UBE2Q2: variants seen among roughly 807,000 people sequenced by gnomAD.
UBE2Q2 encodes ubiquitin-conjugating enzyme E2 Q2.
In UBE2Q2, 54 loss-of-function variants were observed where a neutral mutation model predicts 59.9. That is an observed-to-expected ratio of 0.90 (90% CI 0.72 to 1.13). The LOEUF (loss-of-function observed/expected upper bound fraction) is 1.13, where lower values mean the gene tolerates loss of function less well. Ranked by LOEUF, UBE2Q2 falls within the 50% of genes most tolerant of loss-of-function variation. The pLI is 0.00. For synonymous variants in UBE2Q2, 165 were observed against 155.2 expected (o/e 1.06, Z -0.47); for missense variants, 433 against 441.9 (o/e 0.98, Z 0.18).
chr15:75,857,445 C>T (rs967157033), intron 2 of UBE2Q2, among the ~76,000 whole-genome samples: 3 of 152,104 alleles, frequency 2.0e-5, no homozygotes, highest in Non-Finnish European at 4.4e-5. Flanking sequence ...AACAACTCAC[C>T]TCCCACTCTT....
rs547683186 is a variant in UBE2Q2 at position 75,876,473 on chromosome 15, A to G, written c.673+202A>G. On this transcript the variant is annotated intron_variant, in intron 6 of 12. Transcript: ENST00000267938. ...GTTTACTTGTCTTTTGGATTTTTAA[A>G]AAATGTTTTTATAGGTCCATTGGAA... 2.9e-3 allele frequency among the ~76,000 whole-genome samples: 440 copies of G among 152,356 alleles called. 3 individuals carry two copies. Among genetic ancestry groups the G allele is most frequent in the Middle Eastern group, 0.014 (4 of 294 alleles).
At chr15:75,871,420 G>T (rs1332958588) in intron 4 of UBE2Q2, among the ~76,000 whole-genome samples, 1 of 152,120 alleles carries the variant, frequency 6.6e-6, no homozygotes, top group Non-Finnish European at 1.5e-5. Context: ...TCAGGCTGGG[G>T]GACGGTCAGG....
intron 7 of UBE2Q2, chr15:75,878,302 C>T (rs929048930): frequency 8.0e-6 from 3 of 373,814 alleles, no homozygotes; most frequent in African/African-American, 6.2e-5. Context: ...TTAATAACTT[C>T]ATGAGACTGT....
At position 75,892,578 on chromosome 15, in the gene UBE2Q2, A is replaced by G. The variant is rs1036935505; in HGVS notation, c.1029+1564A>G. Among the ~76,000 whole-genome samples the G allele has an allele frequency of 3.3e-5, 5 of 152,334 alleles. 1 individual carries two copies. In the South Asian group the frequency reaches 6.2e-4, roughly 19 times the overall value. On this transcript the variant is annotated intron_variant, in intron 11 of 12. Coordinates refer to ENST00000267938, the MANE Select transcript of UBE2Q2 (RefSeq NM_173469.4). ...AGAACTTACAGAAATTAAAAAATGT[A>G]GATGGGTATGGTGGCTCACGCCTGT... is the stretch of plus-strand genomic sequence containing the variant.
intron 1 of UBE2Q2, 58 bp downstream of exon 1, chr15:75,843,904 G>T: frequency 1.3e-6 from 2 of 1,484,820 alleles, no homozygotes; most frequent in South Asian, 1.3e-5. Flanking sequence ...GGGGCGCTTC[G>T]AGTCCCGGGA....
intron 11 of UBE2Q2, among the ~76,000 whole-genome samples, chr15:75,895,605 G>A (rs993739536): frequency 6.6e-6 from 1 of 151,950 alleles, no homozygotes; most frequent in Admixed American, 6.6e-5. Context: ...TAAAAAGTCT[G>A]TTTACAGAAA....
intron 1 of UBE2Q2, chr15:75,844,533 T>A: frequency 6.5e-7 from 1 of 1,539,454 alleles, no homozygotes; most frequent in Non-Finnish European, 8.8e-7. Flanking sequence ...TGTGTAAGCC[T>A]CGAAAATGGA....
At chr15:75,892,743 G>GT (rs1287341847) in intron 11 of UBE2Q2, among the ~76,000 whole-genome samples, 1 of 152,090 alleles carries the variant, frequency 6.6e-6, no homozygotes, top group Non-Finnish European at 1.5e-5. Context: ...TGGGTATGGG[G>GT]TACCTGTCTA....
At chr15:75,874,062 A>G (rs1022024979) in intron 5 of UBE2Q2, among the ~76,000 whole-genome samples, 3 of 151,884 alleles carry the variant, frequency 2.0e-5, no homozygotes, top group Admixed American at 6.6e-5. Context: ...TACCCTGTTC[A>G]TCTGCTCTTC....
At chr15:75,844,511 G>GC (rs1896220264) in intron 1 of UBE2Q2, 1 of 1,549,962 alleles carries the variant, frequency 6.5e-7, no homozygotes, top group African/African-American at 1.4e-5. Flanking sequence ...TATTCGTGTG[G>GC]CCCCTCCCTT....
chr15:75,888,484 G>A (rs925881606), intron 9 of UBE2Q2, among the ~76,000 whole-genome samples: 2 of 152,170 alleles, frequency 1.3e-5, no homozygotes, highest in Non-Finnish European at 2.9e-5. Flanking sequence ...GTATTACTGT[G>A]TCCATATATA....
chr15:75,856,217 T>G (rs1595860374), intron 2 of UBE2Q2, among the ~76,000 whole-genome samples: 1 of 147,258 alleles, frequency 6.8e-6, no homozygotes, highest in South Asian at 2.1e-4. Flanking sequence ...ATGTGTGTGT[T>G]TATACATGTA....
At chr15:75,897,721 T>G (rs1899511730) in intron 12 of UBE2Q2, among the ~76,000 whole-genome samples, 1 of 151,846 alleles carries the variant, frequency 6.6e-6, no homozygotes, top group Non-Finnish European at 1.5e-5. Flanking sequence ...GTGCAGTGGT[T>G]GTTTACAGGC....
At position 75,873,544 on chromosome 15, in the gene UBE2Q2, G is replaced by A; in HGVS notation, c.564G>A (p.Lys188=). 1.2e-6 allele frequency: 2 copies of A among 1,613,602 alleles called. No homozygotes were observed. The highest frequency in any genetic ancestry group is 1.7e-6 in the Non-Finnish European group (2 of 1,179,850). ...TGGCAATATTAGAGAAAATTAGGAA[G>A]ACTCAAAGGCAAGACCATTTAAATG... ...ENLAILEKIR[K]TQRQDHLNGA... The change falls in exon 5 of 13, where the codon AAG becomes AAA. Residue 188 remains lysine, a synonymous_variant. Transcript: ENST00000267938.
intron 3 of UBE2Q2, among the ~76,000 whole-genome samples, chr15:75,865,701 C>T (rs762005845): frequency 6.6e-6 from 1 of 152,130 alleles, no homozygotes; most frequent in Non-Finnish European, 1.5e-5. Context: ...ATCGTTTAGA[C>T]TTCACTATTG....
At chr15:75,857,468 A>G (rs978904020) in intron 2 of UBE2Q2, among the ~76,000 whole-genome samples, 4 of 152,192 alleles carry the variant, frequency 2.6e-5, no homozygotes, top group African/African-American at 9.6e-5. Context: ...AGCCTCTGCC[A>G]GTTTATCAAA....
At chr15:75,853,878 G>A (rs1257458701) in intron 1 of UBE2Q2, among the ~76,000 whole-genome samples, 3 of 152,150 alleles carry the variant, frequency 2.0e-5, no homozygotes, top group Non-Finnish European at 1.5e-5. Flanking sequence ...CTGTTGGTCT[G>A]AGGCCTTTTA....
In UBE2Q2 at chr15:75,883,349, G is replaced by T. The variant is rs1294690045; in HGVS notation, c.826-17G>T. ...GATGTTCTTTAAATTAATTAAACTT[G>T]CTTATTTGCTTTTTAGGATAACTTT... On this transcript the variant is annotated splice_polypyrimidine_tract_variant and intron_variant, in intron 8 of 12. Coordinates refer to ENST00000267938, the MANE Select transcript of UBE2Q2 (RefSeq NM_173469.4). 6.2e-7 allele frequency: 1 copy of T among 1,608,154 alleles called. No homozygotes were observed. Among genetic ancestry groups the T allele is most frequent in the Admixed American group, 1.7e-5 (1 of 59,840 alleles).
intron 6 of UBE2Q2, among the ~76,000 whole-genome samples, chr15:75,877,538 C>CACA (rs1422021498): frequency 6.6e-6 from 1 of 150,910 alleles, no homozygotes; most frequent in Non-Finnish European, 1.5e-5. Context: ...AATAAACTAC[C>CACA]ACAGAGTCAT....
Sources: gnomAD v4.1 joint callset for allele counts (sites outside exome capture counted in the v4.1 genomes callset) on GRCh38, gnomAD v4.1.1 for gene constraint, MANE v1.5 for transcripts, NCBI Gene and HGNC (gene_info 2026-07-23, HGNC 2026-07-21) for gene names.